The following ATOSA variants were observed in gnomAD, a reference collection of about 807,000 sequenced individuals.
ATOSA encodes the protein atos homolog protein A.
At chr15:52,611,375 G>A in the ATOSA span, 3 of 1,321,474 alleles carry the variant, frequency 2.3e-6, no homozygotes, top group Non-Finnish European at 2.1e-6. Context: ...AAGAGCATAG[G>A]AATACACTTA....
At chr15:52,609,370 G>C in the ATOSA span, 1 of 1,613,844 alleles carries the variant, frequency 6.2e-7, no homozygotes, top group Non-Finnish European at 8.5e-7. Context: ...AGATGCAACC[G>C]AACTGGAGTC....
chr15:52,610,446 T>A, the ATOSA span: 2 of 1,478,352 alleles, frequency 1.4e-6, no homozygotes, highest in Non-Finnish European at 1.8e-6. Context: ...TATTATTGTA[T>A]ATTATTTTAA....
At chr15:52,615,763 A>C in the ATOSA span, among the ~76,000 whole-genome samples, 1 of 152,214 alleles carries the variant, frequency 6.6e-6, no homozygotes, top group Non-Finnish European at 1.5e-5. Context: ...CTCTAAAGTG[A>C]CCATTTGGAA....
At chr15:52,669,683 G>A in the ATOSA span, among the ~76,000 whole-genome samples, 2 of 152,168 alleles carry the variant, frequency 1.3e-5, no homozygotes, top group African/African-American at 4.8e-5. Context: ...ATACAGATTG[G>A]TCATGTTCCC....
the ATOSA span, among the ~76,000 whole-genome samples, chr15:52,706,541 A>G: frequency 1.3e-5 from 2 of 152,334 alleles, no homozygotes; most frequent in African/African-American, 4.8e-5. Context: ...GCTGTCTTAT[A>G]AGAACAAACA....
chr15:52,612,666 A>G, the ATOSA span, among the ~76,000 whole-genome samples: 8 of 151,714 alleles, frequency 5.3e-5, 1 homozygote. Flanking sequence ...CACCACACCC[A>G]GCGAAGTTTT....
the ATOSA span, among the ~76,000 whole-genome samples, chr15:52,693,300 A>G: frequency 6.6e-6 from 1 of 152,096 alleles, no homozygotes; most frequent in Non-Finnish European, 1.5e-5. Context: ...CATACCTGTA[A>G]TCTCAGCTAC....
At chr15:52,677,995 A>C in the ATOSA span, 1 of 1,614,044 alleles carries the variant, frequency 6.2e-7, no homozygotes, top group Non-Finnish European at 8.5e-7. Flanking sequence ...CTACTTAAAC[A>C]AATCATTTAC....
the ATOSA span, among the ~76,000 whole-genome samples, chr15:52,655,587 A>G: frequency 9.2e-5 from 14 of 152,218 alleles, no homozygotes; most frequent in South Asian, 2.9e-3. Flanking sequence ...GAAATTCCTC[A>G]TTCTTTGTCT....
chr15:52,584,947 G>A, the ATOSA span: 5 of 1,593,670 alleles, frequency 3.1e-6, no homozygotes, highest in Admixed American at 1.7e-5. Flanking sequence ...AATAAGGTCT[G>A]AAGAAACAAT....
chr15:52,701,270 T>C, the ATOSA span, among the ~76,000 whole-genome samples: 1 of 151,826 alleles, frequency 6.6e-6, no homozygotes, highest in South Asian at 2.1e-4. Context: ...GCTTGAGCCC[T>C]GTCTCTACAA....
At chr15:52,640,079 A>C in the ATOSA span, among the ~76,000 whole-genome samples, 1 of 151,890 alleles carries the variant, frequency 6.6e-6, no homozygotes, top group Non-Finnish European at 1.5e-5. Context: ...TTTCCTATTT[A>C]ATCTTCATAA....
chr15:52,682,519 A>G, the ATOSA span, among the ~76,000 whole-genome samples: 1 of 152,240 alleles, frequency 6.6e-6, no homozygotes, highest in South Asian at 2.1e-4. Context: ...AAGATCTTTA[A>G]TTCTGTAGAA....
chr15:52,600,305 G>C, the ATOSA span: 1 of 893,498 alleles, frequency 1.1e-6, no homozygotes, highest in South Asian at 1.5e-5. Flanking sequence ...TTGAGACAGG[G>C]TCTCACTCTG....
At chr15:52,670,331 C>G in the ATOSA span, among the ~76,000 whole-genome samples, 1 of 152,140 alleles carries the variant, frequency 6.6e-6, no homozygotes, top group African/African-American at 2.4e-5. Context: ...TGTTAAGTGC[C>G]AAACCATATG....
At chr15:52,684,053 T>C in the ATOSA span, among the ~76,000 whole-genome samples, 1 of 152,224 alleles carries the variant, frequency 6.6e-6, no homozygotes, top group African/African-American at 2.4e-5. Flanking sequence ...CCAATTCTTT[T>C]GTCTTTCCTT....
the ATOSA span, among the ~76,000 whole-genome samples, chr15:52,623,595 AGGAAGTTT>A: frequency 6.6e-6 from 1 of 152,074 alleles, no homozygotes; most frequent in South Asian, 2.1e-4. Context: ...TTGAGAGAAT[AGGAAGTTT>A]CCAGGAGTGC....
the ATOSA span, chr15:52,629,553 C>A: frequency 9.7e-6 from 3 of 308,832 alleles, no homozygotes; most frequent in Non-Finnish European, 1.9e-5. Flanking sequence ...CCTGTAATCC[C>A]AGCACTTTGG....
At chr15:52,599,329 TG>T in the ATOSA span, among the ~76,000 whole-genome samples, 3 of 152,206 alleles carry the variant, frequency 2.0e-5, no homozygotes, top group African/African-American at 7.2e-5. Flanking sequence ...TTGACATCTC[TG>T]AACTGATACC....
Sources: gnomAD v4.1 joint callset for allele counts (sites outside exome capture counted in the v4.1 genomes callset) on GRCh38, gnomAD v4.1.1 for gene constraint, MANE v1.5 for transcripts, NCBI Gene and HGNC (gene_info 2026-07-23, HGNC 2026-07-21) for gene names.